The following SPOCK3 variants were observed in gnomAD, a reference collection of about 807,000 sequenced individuals.
The protein encoded by SPOCK3 is SPARC (osteonectin), cwcv and kazal like domains proteoglycan 3, also known as testican-3.
SPOCK3 carries 30 observed loss-of-function variants against 56.6 expected under a neutral mutation model. The ratio of observed to expected loss-of-function variants is 0.53; its 90% CI spans 0.40 to 0.72. The LOEUF (loss-of-function observed/expected upper bound fraction) is 0.72, where lower values mean the gene tolerates loss of function less well. Among genes scored for constraint, SPOCK3 ranks in the 30% least tolerant of loss-of-function variants. The pLI is 0.00. For synonymous variants in SPOCK3, 196 were observed against 183.3 expected (o/e 1.07, Z -0.56); for missense variants, 527 against 530.0 (o/e 0.99, Z 0.06).
intron 6 of SPOCK3, among the ~76,000 whole-genome samples, chr4:166,817,249 A>G (rs1327403327): frequency 6.6e-6 from 1 of 152,126 alleles, no homozygotes; most frequent in Non-Finnish European, 1.5e-5. Flanking sequence ...AGGAAACTGT[A>G]TCTTTTGTAA....
chr4:167,074,191 AC>A (rs2150274034), intron 2 of SPOCK3, among the ~76,000 whole-genome samples: 1 of 151,974 alleles, frequency 6.6e-6, no homozygotes, highest in African/African-American at 2.4e-5. Flanking sequence ...TACGTGACTC[AC>A]CCCCTTTTTC....
intron 2 of SPOCK3, among the ~76,000 whole-genome samples, chr4:167,138,236 G>T (rs1424860771): frequency 6.6e-6 from 1 of 151,698 alleles, no homozygotes; most frequent in Non-Finnish European, 1.5e-5. Flanking sequence ...CTAGAATAGG[G>T]TATCATGAAA....
At chr4:167,047,317 T>C (rs796815089) in intron 3 of SPOCK3, among the ~76,000 whole-genome samples, 7 of 152,272 alleles carry the variant, frequency 4.6e-5, no homozygotes, top group African/African-American at 1.7e-4. Flanking sequence ...AGTAGAAAGT[T>C]AAAGATTTAA....
At chr4:166,957,237 G>A (rs1466724001) in intron 4 of SPOCK3, among the ~76,000 whole-genome samples, 1 of 152,172 alleles carries the variant, frequency 6.6e-6, no homozygotes, top group Admixed American at 6.5e-5. Context: ...GGGTGACAGA[G>A]CCACATCCTA....
intron 6 of SPOCK3, among the ~76,000 whole-genome samples, chr4:166,853,424 A>G (rs565481566): frequency 2.0e-5 from 3 of 152,372 alleles, no homozygotes; most frequent in African/African-American, 7.2e-5. Flanking sequence ...ATTTTTATAA[A>G]TTATTTTCAT....
chr4:167,048,674 T>C (rs1262829916), intron 3 of SPOCK3, among the ~76,000 whole-genome samples: 1 of 152,218 alleles, frequency 6.6e-6, no homozygotes, highest in African/African-American at 2.4e-5. Flanking sequence ...TATGGTTTTC[T>C]AAATCTAAGG....
At chr4:167,019,719 T>C (rs963269445) in intron 3 of SPOCK3, among the ~76,000 whole-genome samples, 9 of 152,136 alleles carry the variant, frequency 5.9e-5, no homozygotes, top group African/African-American at 1.7e-4. Flanking sequence ...TAGGGACTAC[T>C]GAGCATTCTC....
chr4:166,840,199 T>C (rs1747089945), intron 6 of SPOCK3, among the ~76,000 whole-genome samples: 1 of 152,146 alleles, frequency 6.6e-6, no homozygotes, highest in Non-Finnish European at 1.5e-5. Context: ...CACTTGAGTG[T>C]AGGGAGACTC....
chr4:166,849,439 G>T (rs925355430), intron 6 of SPOCK3, among the ~76,000 whole-genome samples: 2 of 151,866 alleles, frequency 1.3e-5, no homozygotes, highest in African/African-American at 2.4e-5. Flanking sequence ...TAAGTAACTT[G>T]GAGTCTGCAC....
intron 4 of SPOCK3, among the ~76,000 whole-genome samples, chr4:166,953,680 C>A (rs1419536459): frequency 4.6e-5 from 7 of 152,100 alleles, no homozygotes; most frequent in African/African-American, 1.7e-4. Flanking sequence ...GACTTGGAAC[C>A]AACCCAAATG....
intron 2 of SPOCK3, among the ~76,000 whole-genome samples, chr4:167,117,765 G>T (rs1761551592): frequency 6.6e-6 from 1 of 152,186 alleles, no homozygotes; most frequent in South Asian, 2.1e-4. Flanking sequence ...AAGGAATAAA[G>T]AGATTTCTGG....
chr4:167,010,147 G>C (rs974497291), intron 3 of SPOCK3, among the ~76,000 whole-genome samples: 1 of 152,112 alleles, frequency 6.6e-6, no homozygotes, highest in South Asian at 2.1e-4. Flanking sequence ...CACAGACTAA[G>C]AGTGAATTTA....
chr4:167,187,013 G>A (rs1188218857), intron 2 of SPOCK3, among the ~76,000 whole-genome samples: 1 of 150,520 alleles, frequency 6.6e-6, no homozygotes, highest in African/African-American at 2.4e-5. Context: ...TAGTCCACTT[G>A]CTATATAAGA....
intron 2 of SPOCK3, among the ~76,000 whole-genome samples, chr4:167,084,438 T>A (rs1758005082): frequency 6.6e-6 from 1 of 152,188 alleles, no homozygotes; most frequent in South Asian, 2.1e-4. Context: ...CCATTGATAC[T>A]CAATGTCACT....
chr4:166,899,790 C>T (rs1344063840), intron 5 of SPOCK3, among the ~76,000 whole-genome samples: 1 of 152,130 alleles, frequency 6.6e-6, no homozygotes, highest in Non-Finnish European at 1.5e-5. Context: ...GCTGGGATTA[C>T]AGGCATGAGC....
chr4:166,944,352 C>A (rs1486705914), intron 4 of SPOCK3, among the ~76,000 whole-genome samples: 1 of 151,976 alleles, frequency 6.6e-6, no homozygotes, highest in Non-Finnish European at 1.5e-5. Context: ...AACAATGCAA[C>A]CATATGAATG....
At chr4:166,800,971 G>A (rs1392323967) in intron 6 of SPOCK3, among the ~76,000 whole-genome samples, 1 of 151,972 alleles carries the variant, frequency 6.6e-6, no homozygotes, top group Non-Finnish European at 1.5e-5. Flanking sequence ...TATTTTGACT[G>A]TACCTTTTCT....
chr4:167,076,708 A>G (rs973432877), intron 2 of SPOCK3, among the ~76,000 whole-genome samples: 7 of 151,722 alleles, frequency 4.6e-5, no homozygotes, highest in African/African-American at 1.5e-4. Context: ...CAAACTGCCT[A>G]TTTTCTTAGG....
At chr4:166,739,288 TG>T (rs1245735666) in intron 9 of SPOCK3, among the ~76,000 whole-genome samples, 1 of 152,158 alleles carries the variant, frequency 6.6e-6, no homozygotes, top group Non-Finnish European at 1.5e-5. Flanking sequence ...TCACTCAGGC[TG>T]GAGTGCAGTG....
Sources: allele counts gnomAD v4.1 joint callset (sites outside exome capture counted in the v4.1 genomes callset), GRCh38; gene constraint gnomAD v4.1.1; transcripts MANE v1.5; gene names NCBI Gene and HGNC (gene_info 2026-07-23, HGNC 2026-07-21).